RDX: variants seen among roughly 807,000 people sequenced by gnomAD.
RDX encodes the protein deafness, autosomal recessive 24.
RDX carries 32 observed loss-of-function variants against 83.7 expected under a neutral mutation model. The ratio of observed to expected loss-of-function variants is 0.38; its 90% CI spans 0.29 to 0.51. RDX has a LOEUF of 0.51. Ranked by LOEUF, RDX falls within the 20% of genes least tolerant of loss-of-function variation. The probability of loss-of-function intolerance (pLI) is 0.87; values close to 1 mark genes in which losing one functional copy is unlikely to be tolerated. For synonymous variants in RDX, 229 were observed against 222.7 expected, an observed-to-expected ratio of 1.03 and a Z score of -0.25; for missense variants, 600 against 689.9, an observed-to-expected ratio of 0.87 and a Z score of 1.46.
At chr11:110,294,884 G>T (rs959018658) in intron 1 of RDX, among the ~76,000 whole-genome samples, 1 of 152,100 alleles carries the variant, frequency 6.6e-6, no homozygotes, top group Non-Finnish European at 1.5e-5. Flanking sequence ...AGAACTCAAC[G>T]TTTTTTCAAT....
downstream of RDX, among the ~76,000 whole-genome samples, chr11:110,228,742 A>C (rs931061216): frequency 6.6e-6 from 1 of 151,526 alleles, no homozygotes; most frequent in Admixed American, 6.6e-5. Context: ...ACTTCTAATG[A>C]TAAGAGTGAC....
intron 15 of RDX, among the ~76,000 whole-genome samples, chr11:110,196,823 A>C (rs1443065103): frequency 6.6e-6 from 1 of 152,204 alleles, no homozygotes; most frequent in Non-Finnish European, 1.5e-5. Context: ...GGGGTTGATT[A>C]GTAATTTGGG....
chr11:110,269,167 AGG>A (rs1860190332), intron 3 of RDX, among the ~76,000 whole-genome samples: 1 of 151,888 alleles, frequency 6.6e-6, no homozygotes, highest in East Asian at 1.9e-4. Flanking sequence ...GGACAGGAAA[AGG>A]TACAGTAAAA....
chr11:110,291,121 G>GT (rs2134453205), intron 1 of RDX, among the ~76,000 whole-genome samples: 1 of 152,264 alleles, frequency 6.6e-6, no homozygotes, highest in East Asian at 1.9e-4. Flanking sequence ...GAGGCCAGAA[G>GT]TTTGAGACTA....
At chr11:110,224,723 AC>A (rs1864375762), downstream of RDX, among the ~76,000 whole-genome samples, 2 of 152,226 alleles carry the variant, frequency 1.3e-5, no homozygotes, top group Admixed American at 1.3e-4. Context: ...ATACATTACC[AC>A]AAACATGAAC....
intron 14 of RDX, among the ~76,000 whole-genome samples, chr11:110,214,887 T>C (rs1863976238): frequency 1.4e-5 from 2 of 147,014 alleles, no homozygotes; most frequent in Non-Finnish European, 3.0e-5. Context: ...ATATACCTAA[T>C]GCTAGATGAC....
intron 14 of RDX, among the ~76,000 whole-genome samples, chr11:110,211,748 G>A (rs1483685012): frequency 8.7e-5 from 13 of 149,804 alleles, no homozygotes; most frequent in African/African-American, 1.7e-4. Context: ...GGTACATAAC[G>A]AAATGAAGGC....
At chr11:110,273,599 A>C (rs1860389716) in intron 2 of RDX, among the ~76,000 whole-genome samples, 1 of 152,250 alleles carries the variant, frequency 6.6e-6, no homozygotes, top group Admixed American at 6.5e-5. Flanking sequence ...ATTTTAAATA[A>C]TAATTTTATT....
At chr11:110,263,806 T>G (rs948872973) in intron 5 of RDX, among the ~76,000 whole-genome samples, 154 bp downstream of exon 5, 11 of 150,430 alleles carry the variant, frequency 7.3e-5, no homozygotes, top group African/African-American at 2.4e-4. Context: ...AGGCAGAGGT[T>G]GCAGTGGGCT....
chr11:110,264,666 A>T, intron 4 of RDX, 113 bp downstream of exon 4: 1 of 705,952 alleles, frequency 1.4e-6, no homozygotes, highest in Non-Finnish European at 2.4e-6. Flanking sequence ...CATAATGATT[A>T]ACAGATAACT....
intron 5 of RDX, among the ~76,000 whole-genome samples, chr11:110,260,503 G>A (rs182899267): frequency 1.6e-4 from 25 of 151,784 alleles, no homozygotes; most frequent in Admixed American, 1.4e-3. Flanking sequence ...GTGCAGTGGC[G>A]CCATCTTGGC....
intron 14 of RDX, among the ~76,000 whole-genome samples, chr11:110,222,481 G>C (rs1864282441): frequency 6.6e-6 from 1 of 152,124 alleles, no homozygotes; most frequent in Non-Finnish European, 1.5e-5. Context: ...TATTATCTCA[G>C]CTTATTTTAA....
At chr11:110,226,661 T>C (rs552524985), downstream of RDX, among the ~76,000 whole-genome samples, 7 of 152,168 alleles carry the variant, frequency 4.6e-5, no homozygotes, top group Non-Finnish European at 1.0e-4. Context: ...TAAAAAAAGA[T>C]TCAACTGTAA....
chr11:110,283,444 C>T (rs898962066), intron 1 of RDX, among the ~76,000 whole-genome samples: 1 of 152,170 alleles, frequency 6.6e-6, no homozygotes. Flanking sequence ...CCACCACACA[C>T]ACCCGGCCTA....
At chr11:110,179,156 G>T (rs1209641388) in intron 15 of RDX, among the ~76,000 whole-genome samples, 3 of 152,180 alleles carry the variant, frequency 2.0e-5, no homozygotes, top group Non-Finnish European at 4.4e-5. Context: ...TCCACCCAAG[G>T]GCCAGAAGCC....
rs1453434992 is a variant in RDX, at chr11:110,230,788, A to C, written c.*1081T>G. 1.3e-5 allele frequency: 2 copies of C among 152,552 alleles called. No individual in the cohort carries two copies. Among genetic ancestry groups the C allele is most frequent in the African/African-American group, 2.4e-5 (1 of 41,394 alleles). 9.4% of individuals were successfully genotyped at this position (152,552 alleles called of 1,614,324 possible). A position where few individuals can be genotyped will look rare whatever the true frequency, so the allele number is the denominator to read the frequency against. Reference sequence around the variant, plus strand: ...TATTCTGAAGGAAAATGAAATTTCGAAAGTATTTCTTGATGATCGAGGCTA... The same window carrying C: ...TATTCTGAAGGAAAATGAAATTTCGCAAGTATTTCTTGATGATCGAGGCTA... On this transcript the variant is annotated 3_prime_UTR_variant, in exon 14 of 14. Transcript: ENST00000645495.
At chr11:110,240,587 CA>C (rs745409301) in intron 10 of RDX, among the ~76,000 whole-genome samples, 623 of 150,352 alleles carry the variant, frequency 4.1e-3, no homozygotes, top group Middle Eastern at 0.017. Context: ...ACTAAAAATA[CA>C]AAAAAAATTA....
In RDX at chr11:110,289,461, C is replaced by A. The variant is rs992240203; in HGVS notation, c.-65+7006G>T. Reference sequence around the variant, plus strand: ...GATATATACTAACTTTGCTGAATAGCCAAACTAAGTTTTTATAGTTTTTCT... The same window carrying A: ...GATATATACTAACTTTGCTGAATAGACAAACTAAGTTTTTATAGTTTTTCT... On this transcript the variant is annotated intron_variant, in intron 1 of 13. Transcript: ENST00000645495. 2.8e-4 allele frequency among the ~76,000 whole-genome samples: 42 copies of A among 152,010 alleles called. 1 individual carries two copies. Among genetic ancestry groups the A allele is most frequent in the Admixed American group, 2.4e-3 (36 of 15,256 alleles).
chr11:110,215,947 G>A (rs75534825), intron 14 of RDX, among the ~76,000 whole-genome samples: 1 of 152,154 alleles, frequency 6.6e-6, no homozygotes, highest in Non-Finnish European at 1.5e-5. Context: ...TTTAGCCCCA[G>A]GGTACAGTTT....
Sources: allele counts gnomAD v4.1 joint callset (sites outside exome capture counted in the v4.1 genomes callset), GRCh38; gene constraint gnomAD v4.1.1; transcripts MANE v1.5; gene names NCBI Gene and HGNC (gene_info 2026-07-23, HGNC 2026-07-21).